Variants in COLEC12 observed in about 807,000 individuals in gnomAD.
COLEC12 encodes the protein collectin-12.
Under a neutral mutation model 71.1 loss-of-function variants are expected in COLEC12, and 33 were observed. That is an observed-to-expected ratio of 0.46 (90% CI 0.35 to 0.62). The LOEUF (loss-of-function observed/expected upper bound fraction) is 0.62. Ranked by LOEUF, COLEC12 falls within the 20% of genes least tolerant of loss-of-function variation. The probability of loss-of-function intolerance (pLI) is 0.00; values close to 1 mark genes in which losing one functional copy is unlikely to be tolerated. For synonymous variants in COLEC12, 350 were observed against 353.0 expected (o/e 0.99, Z 0.10); for missense variants, 765 against 916.1 (o/e 0.84, Z 2.13).
chr18:500,442 G>GCCCC lies in COLEC12; in HGVS notation c.7+65_7+66insGGGG. 1 of 1,039,910 alleles carries GCCCC rather than the reference G, an allele frequency of 9.6e-7. No homozygotes were observed. Among genetic ancestry groups the GCCCC allele is most frequent in the African/African-American group, 1.7e-5 (1 of 58,416 alleles). 64.4% of individuals were successfully genotyped at this position (1,039,910 alleles called of 1,614,324 possible). On this transcript the variant is annotated intron_variant, in intron 1 of 9. Transcript: ENST00000400256. This position sits in a 1 kb window ranked among gnomAD's most constrained non-coding sequence, Gnocchi z 5.3. ...AGGTTCGCGCGGGAGGCACCTCCGT[G>GCCCC]GCCTCCCGCGCGCCCCGAAGCCCGT... is the stretch of plus-strand genomic sequence containing the variant.
chr18:332,975 G>C (rs1309124756), intron 7 of COLEC12, 32 bp downstream of exon 7: 1 of 1,528,186 alleles, frequency 6.5e-7, no homozygotes, highest in African/African-American at 1.4e-5. Flanking sequence ...TTAAATTATA[G>C]TTTTCCCCAA....
At chr18:470,220 ATT>A (rs71174234) in intron 2 of COLEC12, among the ~76,000 whole-genome samples, 9 of 92,350 alleles carry the variant, frequency 9.7e-5, no homozygotes, top group African/African-American at 8.8e-5. Context: ...AGGCCAGGAA[ATT>A]TTTTTTTTTT....
In COLEC12 at chr18:480,562, C is replaced by T. The variant is rs1917394197; in HGVS notation, c.58+145G>A. On this transcript the variant is annotated intron_variant, in intron 2 of 9. Coordinates refer to ENST00000400256, the MANE Select transcript of COLEC12 (RefSeq NM_130386.3). This position sits in a 1 kb window ranked among gnomAD's most constrained non-coding sequence, Gnocchi z 4.1. ...ACCCTCCCCCTGGGACACAGACACTCACTTTCCAACCAAAATTGGACCTCA... is the reference window on the plus strand; with the variant it reads ...ACCCTCCCCCTGGGACACAGACACTTACTTTCCAACCAAAATTGGACCTCA... The T allele has an allele frequency of 5.4e-6, 4 of 737,508 alleles. No individual in the cohort carries two copies. The Admixed American group carries it at 8.0e-5, about 15-fold the overall frequency. 45.7% of individuals were successfully genotyped at this position (737,508 alleles called of 1,614,324 possible).
At chr18:359,018 T>A (rs1914687339) in intron 2 of COLEC12, among the ~76,000 whole-genome samples, 1 of 152,126 alleles carries the variant, frequency 6.6e-6, no homozygotes. Flanking sequence ...TCAATAAAAA[T>A]CTCTGTATGA....
At chr18:466,973 G>C (rs1477115795) in intron 2 of COLEC12, among the ~76,000 whole-genome samples, 2 of 152,056 alleles carry the variant, frequency 1.3e-5, no homozygotes, top group East Asian at 3.9e-4. Flanking sequence ...GCTCTCCTCA[G>C]CTGTGGGTGT....
rs570828392 is a variant in COLEC12, at chr18:385,232, T to C, written c.59-27710A>G. Among the ~76,000 whole-genome samples, 8 of 151,996 alleles carry C rather than the reference T, an allele frequency of 5.3e-5. No individual in the cohort carries two copies. The South Asian group carries it at 1.7e-3, about 32-fold the overall frequency. On this transcript the variant is annotated intron_variant, in intron 2 of 9. Transcript: ENST00000400256. ...GAAAGATCAGGTTAAAAAAATAGCA[T>C]CCACTTCTTTACAGGCACAACATAG...
At chr18:494,330 ATTAAC>A (rs934151186) in intron 1 of COLEC12, among the ~76,000 whole-genome samples, 1 of 152,248 alleles carries the variant, frequency 6.6e-6, no homozygotes, top group Non-Finnish European at 1.5e-5. Flanking sequence ...ATAATTGGCA[ATTAAC>A]TTATTGCTGG....
chr18:400,150 G>A (rs186708304), intron 2 of COLEC12, among the ~76,000 whole-genome samples: 191 of 152,268 alleles, frequency 1.3e-3, no homozygotes, highest in Non-Finnish European at 2.5e-3. Flanking sequence ...GGGGATCTAG[G>A]AGATGGAAAG....
rs1006474872 is a variant in COLEC12, at chr18:437,413, C to A, written c.58+43294G>T. Among the ~76,000 whole-genome samples the A allele has an allele frequency of 5.3e-5, 8 of 152,172 alleles. No individual in the cohort carries two copies. The East Asian group carries it at 1.5e-3, about 29-fold the overall frequency. On this transcript the variant is annotated intron_variant, in intron 2 of 9. Coordinates refer to ENST00000400256, the MANE Select transcript of COLEC12 (RefSeq NM_130386.3). The stretch of plus-strand genomic sequence containing the variant: ...AATTCTTTCACCTGCCCACTGTGAC[C>A]TGTCCCATGACTCTCCACTTAAAAT...
chr18:443,138 T>G (rs1200728982), intron 2 of COLEC12, among the ~76,000 whole-genome samples: 2 of 152,186 alleles, frequency 1.3e-5, no homozygotes, highest in African/African-American at 4.8e-5. Context: ...ATATGGTACA[T>G]GAAAAATACA....
At chr18:373,038 C>G (rs1439112494) in intron 2 of COLEC12, among the ~76,000 whole-genome samples, 1 of 152,120 alleles carries the variant, frequency 6.6e-6, no homozygotes, top group African/African-American at 2.4e-5. Flanking sequence ...TGCCTGTGAC[C>G]AGGACAAAAC....
intron 2 of COLEC12, among the ~76,000 whole-genome samples, chr18:428,383 T>C (rs773120941): frequency 9.8e-5 from 15 of 152,290 alleles, no homozygotes; most frequent in Middle Eastern, 3.4e-3. Context: ...CTTGTTCCCA[T>C]AGAGTTCATT....
At chr18:492,149 G>A (rs1917630646) in intron 1 of COLEC12, among the ~76,000 whole-genome samples, 1 of 152,144 alleles carries the variant, frequency 6.6e-6, no homozygotes, top group Admixed American at 6.5e-5. Flanking sequence ...TTACTCAGCT[G>A]CTTACTGAAT....
chr18:416,301 T>A (rs966366161), intron 2 of COLEC12, among the ~76,000 whole-genome samples: 3 of 152,104 alleles, frequency 2.0e-5, no homozygotes, highest in Non-Finnish European at 4.4e-5. Flanking sequence ...GAAGAACTGA[T>A]CCCACACTGG....
intron 2 of COLEC12, among the ~76,000 whole-genome samples, chr18:419,359 C>A (rs1441851214): frequency 6.6e-6 from 1 of 152,158 alleles, no homozygotes; most frequent in Non-Finnish European, 1.5e-5. Flanking sequence ...GCGCATGCCA[C>A]CACACTAGGC....
intron 2 of COLEC12, among the ~76,000 whole-genome samples, chr18:405,633 C>T (rs1227529362): frequency 6.6e-6 from 1 of 152,212 alleles, no homozygotes; most frequent in Non-Finnish European, 1.5e-5. Flanking sequence ...AAATCAGCTG[C>T]TCCAACACAG....
intron 1 of COLEC12, among the ~76,000 whole-genome samples, chr18:490,531 C>G (rs1019108246): frequency 1.1e-4 from 17 of 152,140 alleles, no homozygotes; most frequent in Admixed American, 9.8e-4. Flanking sequence ...TTCAGGAAAC[C>G]TACGACATTA....
At chr18:321,206 C>T (rs993292017) in intron 9 of COLEC12, among the ~76,000 whole-genome samples, 4 of 152,156 alleles carry the variant, frequency 2.6e-5, no homozygotes, top group African/African-American at 4.8e-5. Flanking sequence ...AGGCATGCGC[C>T]ACCATGCCCG....
intron 3 of COLEC12, among the ~76,000 whole-genome samples, chr18:351,039 G>A (rs184415874): frequency 1.3e-4 from 19 of 150,928 alleles, no homozygotes; most frequent in South Asian, 4.2e-4. Flanking sequence ...CTAATTTATT[G>A]TATTCATCAC....
Sources: gnomAD v4.1 joint callset for allele counts (sites outside exome capture counted in the v4.1 genomes callset) on GRCh38, gnomAD v4.1.1 for gene constraint, Gnocchi (gnomAD v3.1) non-coding constraint, MANE v1.5 for transcripts, NCBI Gene and HGNC (gene_info 2026-07-23, HGNC 2026-07-21) for gene names.